The following MKLN1 variants were observed in gnomAD, a reference collection of about 807,000 sequenced individuals.
MKLN1 encodes the protein muskelin 1.
In MKLN1, 18 loss-of-function variants were observed where a neutral mutation model predicts 99.0. That is an observed-to-expected ratio of 0.18 (90% CI 0.13 to 0.27). MKLN1 has a LOEUF of 0.27. MKLN1 is among the 10% of genes least tolerant of loss of function. The pLI is 1.00. For synonymous variants in MKLN1, 288 were observed against 293.2 expected, an observed-to-expected ratio of 0.98 and a Z score of 0.18; for missense variants, 621 against 875.9, an observed-to-expected ratio of 0.71 and a Z score of 3.67.
At chr7:131,118,175 C>G (rs1002926056) in intron 1 of MKLN1, among the ~76,000 whole-genome samples, 3 of 152,184 alleles carry the variant, frequency 2.0e-5, no homozygotes, top group African/African-American at 7.2e-5. Context: ...CTTGCTCCTG[C>G]TCACACCATG....
At chr7:131,204,196 A>G (rs1796771295) in intron 3 of MKLN1, among the ~76,000 whole-genome samples, 2 of 152,248 alleles carry the variant, frequency 1.3e-5, no homozygotes, top group Admixed American at 1.3e-4. Flanking sequence ...TCTCAGGAGG[A>G]TAAGTCTGGG....
chr7:131,387,332 T>C, intron 3 of MKLN1, 70 bp downstream of exon 3: 1 of 1,397,410 alleles, frequency 7.2e-7, no homozygotes, highest in Non-Finnish European at 9.7e-7. Flanking sequence ...TTGTAGCTAA[T>C]CTGCATGGTT....
At chr7:131,213,093 T>C (rs1584839603) in intron 3 of MKLN1, among the ~76,000 whole-genome samples, 1 of 152,142 alleles carries the variant, frequency 6.6e-6, no homozygotes, top group Non-Finnish European at 1.5e-5. Context: ...GTAACCATTA[T>C]CTGGAAGTTG....
At chr7:131,387,543 A>G (rs893657061) in intron 3 of MKLN1, among the ~76,000 whole-genome samples, 1 of 152,142 alleles carries the variant, frequency 6.6e-6, no homozygotes, top group African/African-American at 2.4e-5. Context: ...TAATGACTTC[A>G]GAAATATTTT....
chr7:131,472,962 A>G (rs927533022), intron 16 of MKLN1, among the ~76,000 whole-genome samples: 1 of 151,384 alleles, frequency 6.6e-6, no homozygotes, highest in Admixed American at 6.6e-5. Flanking sequence ...AAAAAAAAAA[A>G]AAAGAAAAAA....
chr7:131,436,525 C>T lies in MKLN1; in HGVS notation c.961-1260C>T, dbSNP rs112836344. On this transcript the variant is annotated intron_variant, in intron 9 of 17. Coordinates refer to ENST00000352689, the MANE Select transcript of MKLN1 (RefSeq NM_013255.5). ...AATTGTGAAAGAGCCCAGTTTTTGG[C>T]TCTGGTACACAAGGGCGTAGATTTG... Among the ~76,000 whole-genome samples the T allele has an allele frequency of 3.4e-3, 521 of 152,282 alleles. 1 individual carries two copies. The highest frequency in any genetic ancestry group is 0.012 in the African/African-American group (489 of 41,566).
At chr7:131,184,034 T>A (rs1796412656) in intron 2 of MKLN1, among the ~76,000 whole-genome samples, 1 of 151,884 alleles carries the variant, frequency 6.6e-6, no homozygotes, top group African/African-American at 2.4e-5. Flanking sequence ...TTTTTTTTTT[T>A]AAGCTGCCTT....
At chr7:131,171,168 T>C (rs1411112121) in intron 2 of MKLN1, among the ~76,000 whole-genome samples, 1 of 152,182 alleles carries the variant, frequency 6.6e-6, no homozygotes, top group Non-Finnish European at 1.5e-5. Flanking sequence ...CATTGGATGC[T>C]GAAATGGTGA....
intron 8 of MKLN1, among the ~76,000 whole-genome samples, chr7:131,416,078 G>T (rs1795008454): frequency 6.6e-6 from 1 of 152,092 alleles, no homozygotes; most frequent in Non-Finnish European, 1.5e-5. Flanking sequence ...TTACAGGTGT[G>T]AGCTACCATG....
At chr7:131,209,092 C>T (rs1274576943) in intron 3 of MKLN1, among the ~76,000 whole-genome samples, 1 of 152,128 alleles carries the variant, frequency 6.6e-6, no homozygotes, top group Non-Finnish European at 1.5e-5. Flanking sequence ...AAGGTTCCGA[C>T]ATCCTCAAGA....
At chr7:131,255,581 T>G (rs1225895196) in intron 3 of MKLN1, among the ~76,000 whole-genome samples, 2 of 152,252 alleles carry the variant, frequency 1.3e-5, no homozygotes, top group East Asian at 3.9e-4. Flanking sequence ...TCTATCTATC[T>G]CTCTATTTAT....
chr7:131,293,049 C>A (rs981072124), intron 3 of MKLN1, among the ~76,000 whole-genome samples: 2 of 152,190 alleles, frequency 1.3e-5, no homozygotes, highest in African/African-American at 2.4e-5. Flanking sequence ...CTGGCTTTGT[C>A]ACTTGCTTTT....
chr7:131,153,038 T>A (rs2895222), intron 2 of MKLN1, among the ~76,000 whole-genome samples: 12,334 of 148,420 alleles, frequency 0.083, 566 homozygotes, highest in Middle Eastern at 0.19. Flanking sequence ...TATATATTTT[T>A]TTTTTTTTTG....
At chr7:131,486,395 A>G (rs1797279123) in intron 17 of MKLN1, among the ~76,000 whole-genome samples, 1 of 152,142 alleles carries the variant, frequency 6.6e-6, no homozygotes, top group African/African-American at 2.4e-5. Flanking sequence ...GCTCATCTCA[A>G]GTAAACATTC....
intron 2 of MKLN1, among the ~76,000 whole-genome samples, chr7:131,178,053 A>C (rs1796325154): frequency 6.6e-6 from 1 of 152,180 alleles, no homozygotes; most frequent in South Asian, 2.1e-4. Flanking sequence ...AAAAGAGTAA[A>C]AATGAGTAAT....
intron 3 of MKLN1, among the ~76,000 whole-genome samples, chr7:131,228,240 T>C (rs1302089970): frequency 6.6e-6 from 1 of 152,190 alleles, no homozygotes; most frequent in East Asian, 1.9e-4. Flanking sequence ...ATTTTATTTT[T>C]GTAGAGACAG....
chr7:131,375,723 C>T (rs1012609773), intron 2 of MKLN1, among the ~76,000 whole-genome samples: 5 of 152,066 alleles, frequency 3.3e-5, no homozygotes, highest in South Asian at 2.1e-4. Flanking sequence ...TTCTGTCTAC[C>T]AGAACAGTTA....
chr7:131,327,344 A>C (rs1798914870), upstream of MKLN1: 1 of 153,020 alleles, frequency 6.5e-6, no homozygotes, highest in Admixed American at 6.5e-5. Context: ...GGGTAGGAGG[A>C]CACGGGACCA....
intron 3 of MKLN1, among the ~76,000 whole-genome samples, chr7:131,292,491 C>A (rs1337676769): frequency 6.6e-6 from 1 of 152,126 alleles, no homozygotes; most frequent in Non-Finnish European, 1.5e-5. Context: ...CATTGGGGCA[C>A]AAATAATTAG....
Sources: gnomAD v4.1 joint callset for allele counts (sites outside exome capture counted in the v4.1 genomes callset) on GRCh38, gnomAD v4.1.1 for gene constraint, MANE v1.5 for transcripts, NCBI Gene and HGNC (gene_info 2026-07-23, HGNC 2026-07-21) for gene names.